Variants in GPD2 observed in about 807,000 individuals in gnomAD.
GPD2 encodes glycerol-3-phosphate dehydrogenase 2.
A neutral mutation model predicts 82.4 loss-of-function variants in GPD2; 54 were observed. The ratio of observed to expected loss-of-function variants is 0.66; its 90% CI spans 0.53 to 0.82. The LOEUF (loss-of-function observed/expected upper bound fraction) is 0.82, where lower values mean the gene tolerates loss of function less well. Among genes scored for constraint, GPD2 ranks in the 40% least tolerant of loss-of-function variants. GPD2 has a pLI of 0.00. For missense variants in GPD2, 748 were observed against 896.2 expected (o/e 0.83, Z 2.11); for synonymous variants, 288 against 306.1 (o/e 0.94, Z 0.62).
At chr2:156,572,862 A>G (rs556367427) in intron 13 of GPD2, among the ~76,000 whole-genome samples, 2 of 152,294 alleles carry the variant, frequency 1.3e-5, no homozygotes, top group Non-Finnish European at 2.9e-5. Flanking sequence ...GGGTGGCTTA[A>G]ACAACAAACA....
chr2:156,505,017 A>G, intron 3 of GPD2, among the ~76,000 whole-genome samples: 1 of 152,182 alleles, frequency 6.6e-6, no homozygotes, highest in East Asian at 1.9e-4. Flanking sequence ...ATAATAAGAT[A>G]ATCAGTAAAA....
chr2:156,478,155 C>T (rs1374770949), intron 2 of GPD2, among the ~76,000 whole-genome samples: 2 of 152,080 alleles, frequency 1.3e-5, no homozygotes, highest in Non-Finnish European at 2.9e-5. Context: ...ACAGAAGAGA[C>T]TCTGGCCCCA....
At chr2:156,424,466 A>T in the GPD2 span, among the ~76,000 whole-genome samples, 1 of 152,232 alleles carries the variant, frequency 6.6e-6, no homozygotes, top group Non-Finnish European at 1.5e-5. Context: ...TTCTCATATT[A>T]TCCTGCAACT....
chr2:156,444,720 T>TATACACACACAC (rs1553464319), intron 1 of GPD2, among the ~76,000 whole-genome samples: 1 of 150,088 alleles, frequency 6.7e-6, no homozygotes, highest in Non-Finnish European at 1.5e-5. Flanking sequence ...CAAAAACAAA[T>TATACACACACAC]ACACACACAC....
the GPD2 span, among the ~76,000 whole-genome samples, chr2:156,425,394 C>T: frequency 6.6e-6 from 1 of 152,126 alleles, no homozygotes; most frequent in Non-Finnish European, 1.5e-5. Flanking sequence ...ATCTTCTTTT[C>T]AAGCCGTTAT....
chr2:156,410,796 T>A, the GPD2 span, among the ~76,000 whole-genome samples: 1 of 152,234 alleles, frequency 6.6e-6, no homozygotes, highest in African/African-American at 2.4e-5. Context: ...TATCTAGATT[T>A]TGTGCTTAAA....
intron 2 of GPD2, among the ~76,000 whole-genome samples, chr2:156,482,382 CT>C (rs770019415): frequency 1.3e-5 from 2 of 152,000 alleles, no homozygotes; most frequent in South Asian, 2.1e-4. Flanking sequence ...CTGTTTCTTT[CT>C]TTTTTTCTAT....
chr2:156,535,198 C>T (rs1686016742), intron 6 of GPD2, among the ~76,000 whole-genome samples: 1 of 151,626 alleles, frequency 6.6e-6, no homozygotes, highest in Non-Finnish European at 1.5e-5. Flanking sequence ...GATACAGGTA[C>T]TCAGGGTGCA....
intron 6 of GPD2, among the ~76,000 whole-genome samples, chr2:156,526,138 A>G (rs1185972178): frequency 6.6e-6 from 1 of 152,196 alleles, no homozygotes; most frequent in Non-Finnish European, 1.5e-5. Flanking sequence ...ACCAACTTTT[A>G]TGGAATTACA....
chr2:156,472,275 TATAGTTCTAAATTTC>T (rs1367743772), intron 1 of GPD2, among the ~76,000 whole-genome samples: 1 of 152,168 alleles, frequency 6.6e-6, no homozygotes, highest in East Asian at 1.9e-4. Context: ...ATTTGGTTTA[TATAGTTCTAAATTTC>T]ATTCTTTCAG....
In GPD2 at chr2:156,551,355, C is replaced by G. The variant is rs60980268; in HGVS notation, c.971+609C>G. Among the ~76,000 whole-genome samples the G allele has an allele frequency of 7.4e-3, 1,131 of 152,164 alleles. 11 individuals carry two copies. The highest frequency in any genetic ancestry group is 0.024 in the Middle Eastern group (7 of 294). On this transcript the variant is annotated intron_variant, in intron 8 of 16. Coordinates refer to ENST00000438166, the MANE Select transcript of GPD2 (RefSeq NM_000408.5). ...GCTGGGTGATGGGTACATGGAGCGT[C>G]ATTAAACTCTTTTTATATATGTTTG...
chr2:156,580,268 A>G (rs1687981610), intron 16 of GPD2, among the ~76,000 whole-genome samples: 1 of 152,224 alleles, frequency 6.6e-6, no homozygotes, highest in African/African-American at 2.4e-5. Flanking sequence ...TTCTGTCATT[A>G]TAAAGAACTA....
rs1687482491 is a variant in GPD2 at position 156,568,747 on chromosome 2, C to G, written c.1166-78C>G. 24 of 1,322,258 alleles carry G rather than the reference C, an allele frequency of 1.8e-5. No homozygotes were observed. In the South Asian group the frequency reaches 2.6e-4, roughly 14 times the overall value. 81.9% of individuals were successfully genotyped at this position (1,322,258 alleles called of 1,614,324 possible). ...ACATGTGTATTCCTGTCACCGAACT[C>G]TTTTTATTAACTGTTTAATATTTTT... On this transcript the variant is annotated intron_variant, in intron 9 of 16. Coordinates refer to ENST00000438166, the MANE Select transcript of GPD2 (RefSeq NM_000408.5).
intron 6 of GPD2, among the ~76,000 whole-genome samples, chr2:156,520,312 G>T (rs1014341926): frequency 6.6e-6 from 1 of 150,802 alleles, no homozygotes; most frequent in Non-Finnish European, 1.5e-5. Context: ...GGCCATTGCC[G>T]GGGAACTACC....
chr2:156,444,052 T>G (rs1354093635), intron 1 of GPD2, among the ~76,000 whole-genome samples: 1 of 152,164 alleles, frequency 6.6e-6, no homozygotes, highest in Non-Finnish European at 1.5e-5. Context: ...ACCTTTCACT[T>G]TTCTCCTTGT....
intron 3 of GPD2, 24 bp downstream of exon 3, chr2:156,496,239 T>C (rs777604222): frequency 4.6e-5 from 71 of 1,536,936 alleles, no homozygotes; most frequent in Non-Finnish European, 6.0e-5. Flanking sequence ...TTTTTTATTT[T>C]AATTTTAAGT....
chr2:156,496,368 T>A (rs1319418367), intron 3 of GPD2, among the ~76,000 whole-genome samples, 153 bp downstream of exon 3: 2 of 152,130 alleles, frequency 1.3e-5, no homozygotes, highest in Non-Finnish European at 2.9e-5. Flanking sequence ...TAGCTATTTA[T>A]CCTGATGCTC....
rs762427466 is a variant in GPD2 at position 156,582,777 on chromosome 2, A to G, written c.2059-16A>G. 4 of 1,612,528 alleles carry G rather than the reference A, an allele frequency of 2.5e-6. No individual in the cohort carries two copies. Among genetic ancestry groups the G allele is most frequent in the African/African-American group, 1.3e-5 (1 of 74,994 alleles). On this transcript the variant is annotated splice_polypyrimidine_tract_variant and intron_variant, in intron 16 of 16. Coordinates refer to ENST00000438166, the MANE Select transcript of GPD2 (RefSeq NM_000408.5). ...TTGGCCTGCGTTCTGAATCTGTTGC[A>G]TATTTTCTCTTTAAGCTGATGAGTG...
At chr2:156,510,987 G>GT (rs983801539) in intron 4 of GPD2, 67 bp downstream of exon 4, 2,891 of 1,389,316 alleles carry the variant, frequency 2.1e-3, no homozygotes, top group Non-Finnish European at 2.5e-3. Context: ...ATTAAATCAG[G>GT]TTTTTTTTTC....
Sources: allele counts gnomAD v4.1 joint callset (sites outside exome capture counted in the v4.1 genomes callset), GRCh38; gene constraint gnomAD v4.1.1; transcripts MANE v1.5; gene names NCBI Gene and HGNC (gene_info 2026-07-23, HGNC 2026-07-21).